NSUN4: variants seen among roughly 807,000 people sequenced by gnomAD.
NSUN4 encodes the protein 5-cytosine rRNA methyltransferase NSUN4.
In NSUN4, 31 loss-of-function variants were observed where a neutral mutation model predicts 43.8. The observed-to-expected ratio is 0.71, with a 90% CI of 0.53 to 0.96. The LOEUF is 0.96. Among genes scored for constraint, NSUN4 ranks in the 40% least tolerant of loss-of-function variants. NSUN4 has a pLI of 0.00. For missense variants in NSUN4, 439 were observed against 475.6 expected, an observed-to-expected ratio of 0.92 and a Z score of 0.72; for synonymous variants, 167 against 184.1, an observed-to-expected ratio of 0.91 and a Z score of 0.75.
At position 46,361,925 on chromosome 1, in the gene NSUN4, G is replaced by T; in HGVS notation, c.*79G>T. The T allele has an allele frequency of 2.3e-6, 3 of 1,287,752 alleles. No individual in the cohort carries two copies. The highest frequency in any genetic ancestry group is 2.8e-5 in the South Asian group (2 of 70,642). The allele number at this position is 1,287,752 out of a possible 1,614,324, so 79.8% of individuals were successfully genotyped here. On this transcript the variant is annotated 3_prime_UTR_variant, in exon 6 of 6. Transcript: ENST00000474844. Reference sequence around the variant, plus strand: ...CAGAAACTGGAAACTGGGACCAGTGGCAGAGATGCACTCTCGGTCCTGTCT... The same window carrying T: ...CAGAAACTGGAAACTGGGACCAGTGTCAGAGATGCACTCTCGGTCCTGTCT...
intron 1 of NSUN4, chr1:46,343,218 T>A (rs1362347367): frequency 3.2e-6 from 1 of 316,016 alleles, no homozygotes; most frequent in Non-Finnish European, 5.4e-6. Flanking sequence ...GTGTGACACC[T>A]ATAGCACTCC....
At chr1:46,369,309 G>C (rs575817429), downstream of NSUN4, among the ~76,000 whole-genome samples, 133 of 152,258 alleles carry the variant, frequency 8.7e-4, no homozygotes, top group Middle Eastern at 3.4e-3. Context: ...TAACCCCCAA[G>C]TACCAACATG....
chr1:46,383,037 C>T, the NSUN4 span, among the ~76,000 whole-genome samples: 5 of 152,186 alleles, frequency 3.3e-5, no homozygotes, highest in South Asian at 2.1e-4. Flanking sequence ...CCCTCTGAAG[C>T]GGACCAGGTC....
At chr1:46,378,661 C>A in the NSUN4 span, among the ~76,000 whole-genome samples, 1 of 152,220 alleles carries the variant, frequency 6.6e-6, no homozygotes, top group Non-Finnish European at 1.5e-5. Context: ...AATGAACCAA[C>A]CTTCAAAGTG....
At chr1:46,350,602 A>G (rs1044603094) in intron 3 of NSUN4, among the ~76,000 whole-genome samples, 2 of 152,238 alleles carry the variant, frequency 1.3e-5, no homozygotes, top group African/African-American at 4.8e-5. Flanking sequence ...ATGTCTACCA[A>G]TAAAGAGAAA....
At chr1:46,360,474 GT>G (rs1317220375) in intron 4 of NSUN4, among the ~76,000 whole-genome samples, 1 of 150,848 alleles carries the variant, frequency 6.6e-6, no homozygotes, top group African/African-American at 2.4e-5. Flanking sequence ...TTGTGTGTTA[GT>G]TTTGGGTTTT....
In NSUN4 at chr1:46,345,236, A is replaced by G. The variant is rs998733137; in HGVS notation, c.437+92A>G. 58 of 897,408 alleles carry G rather than the reference A, an allele frequency of 6.5e-5. No homozygotes were observed. The East Asian group carries it at 1.1e-3, about 18-fold the overall frequency. 55.6% of individuals were successfully genotyped at this position (897,408 alleles called of 1,614,324 possible). ...GCTTCTACCCTCTGTAATAAGGACCATAATATTGCTAATATTTATGGCATG... is the reference window on the plus strand; with the variant it reads ...GCTTCTACCCTCTGTAATAAGGACCGTAATATTGCTAATATTTATGGCATG... On this transcript the variant is annotated intron_variant, in intron 2 of 5. Transcript: ENST00000474844.
chr1:46,375,618 T>C, the NSUN4 span, among the ~76,000 whole-genome samples: 2 of 150,976 alleles, frequency 1.3e-5, no homozygotes, highest in Non-Finnish European at 2.9e-5. Context: ...GCACCTGTAG[T>C]CCCAGCTACT....
rs774429455 is a variant in NSUN4, at chr1:46,340,998, A to T, written c.93+79A>T. ...GTCTTTCCGTTTCCCGGCCCTCTAG[A>T]ACGCCTAGCGTCTTTCCCAAGCACT... On this transcript the variant is annotated intron_variant, in intron 1 of 5. Coordinates refer to ENST00000474844, the MANE Select transcript of NSUN4 (RefSeq NM_199044.4). The T allele has an allele frequency of 2.7e-4, 369 of 1,359,526 alleles. 4 individuals carry two copies. In the Middle Eastern group the frequency reaches 5.7e-3, roughly 21 times the overall value. The allele number at this position is 1,359,526 out of a possible 1,614,324, so 84.2% of individuals were successfully genotyped here.
intron 3 of NSUN4, among the ~76,000 whole-genome samples, chr1:46,348,335 A>G (rs762504485): frequency 3.3e-5 from 5 of 152,162 alleles, no homozygotes; most frequent in Non-Finnish European, 5.9e-5. Context: ...CCTGTCTCCT[A>G]CGCTCCCACA....
intron 3 of NSUN4, among the ~76,000 whole-genome samples, chr1:46,352,147 T>TAAAA (rs35949811): frequency 1.5e-5 from 2 of 135,696 alleles, no homozygotes; most frequent in Admixed American, 7.5e-5. Flanking sequence ...ACCCTGTCTT[T>TAAAA]AAAAAAAAAA....
At chr1:46,376,821 G>A in the NSUN4 span, among the ~76,000 whole-genome samples, 2 of 151,666 alleles carry the variant, frequency 1.3e-5, no homozygotes, top group Admixed American at 6.6e-5. Flanking sequence ...GCAGTGGCAC[G>A]ATCTTGGCTT....
chr1:46,356,351 G>A (rs1663365851), intron 4 of NSUN4, among the ~76,000 whole-genome samples: 1 of 152,130 alleles, frequency 6.6e-6, no homozygotes, highest in Non-Finnish European at 1.5e-5. Context: ...GATTACAGGT[G>A]TGAGCCACCG....
chr1:46,348,868 G>A (rs2148380679), intron 3 of NSUN4, among the ~76,000 whole-genome samples: 1 of 134,454 alleles, frequency 7.4e-6, no homozygotes, highest in Admixed American at 8.1e-5. Flanking sequence ...AAGCTGGAGT[G>A]CAGTGGCACG....
At chr1:46,365,351 A>G (rs551626521), downstream of NSUN4, among the ~76,000 whole-genome samples, 3 of 151,348 alleles carry the variant, frequency 2.0e-5, no homozygotes, top group South Asian at 2.1e-4. Context: ...TTCTTTTTTT[A>G]TTTTTTGAGA....
At chr1:46,351,312 C>T (rs534881358) in intron 3 of NSUN4, among the ~76,000 whole-genome samples, 72 of 152,178 alleles carry the variant, frequency 4.7e-4, no homozygotes, top group Middle Eastern at 3.4e-3. Flanking sequence ...TATGGTAAGC[C>T]GAGATCGCGC....
chr1:46,344,327 ATGT>A (rs1165850161), intron 1 of NSUN4: 3 of 160,586 alleles, frequency 1.9e-5, no homozygotes, highest in Admixed American at 6.4e-5. Flanking sequence ...TCAAATTGAA[ATGT>A]TGTTAATTTT....
intron 4 of NSUN4, among the ~76,000 whole-genome samples, chr1:46,355,309 T>G (rs1481836261): frequency 6.6e-6 from 1 of 152,190 alleles, no homozygotes; most frequent in Non-Finnish European, 1.5e-5. Flanking sequence ...CTTACAATGT[T>G]AGGAAGTTCT....
At chr1:46,341,720 C>T in intron 1 of NSUN4, 5 of 1,231,078 alleles carry the variant, frequency 4.1e-6, no homozygotes, top group Non-Finnish European at 5.1e-6. Flanking sequence ...AAAGGACCTA[C>T]TGCCGCTAGC....
Sources: gnomAD v4.1 joint callset for allele counts (sites outside exome capture counted in the v4.1 genomes callset) on GRCh38, gnomAD v4.1.1 for gene constraint, MANE v1.5 for transcripts, NCBI Gene and HGNC (gene_info 2026-07-23, HGNC 2026-07-21) for gene names.